Variants in SPINT2 observed in about 807,000 individuals in gnomAD.
The protein encoded by SPINT2 is kunitz-type protease inhibitor 2.
SPINT2 carries 18 observed loss-of-function variants against 30.1 expected under a neutral mutation model. The observed-to-expected ratio is 0.60, with a 90% CI of 0.41 to 0.89. SPINT2 has a LOEUF of 0.89. Among genes scored for constraint, SPINT2 ranks in the 40% least tolerant of loss-of-function variants. The pLI is 0.00. For synonymous variants in SPINT2, 139 were observed against 137.9 expected, an observed-to-expected ratio of 1.01 and a Z score of -0.05; for missense variants, 276 against 334.3, an observed-to-expected ratio of 0.83 and a Z score of 1.36.
At chr19:38,283,212 G>A (rs1968600859) in intron 1 of SPINT2, among the ~76,000 whole-genome samples, 1 of 152,128 alleles carries the variant, frequency 6.6e-6, no homozygotes, top group African/African-American at 2.4e-5. Flanking sequence ...TTGCTTAGGA[G>A]GGTGAGGCAA....
intron 4 of SPINT2, chr19:38,289,717 G>A (rs576742579): frequency 3.9e-4 from 124 of 316,010 alleles, no homozygotes; most frequent in Admixed American, 1.2e-3. Context: ...GGAGATGTGC[G>A]TTAGAGGCGT....
rs1167576875 is a variant in SPINT2, at chr19:38,268,285, A to T, written c.106+3287A>T. ...AACCTCTGCAGACAGAGGTGGGGGG[A>T]AAGCTGAGCTTATGCCAGGTGAGAA... On this transcript the variant is annotated intron_variant, in intron 1 of 6. Coordinates refer to ENST00000301244, the MANE Select transcript of SPINT2 (RefSeq NM_021102.4). 5.9e-5 allele frequency among the ~76,000 whole-genome samples: 9 copies of T among 152,180 alleles called. No individual in the cohort carries two copies. The South Asian group carries it at 1.9e-3, about 32-fold the overall frequency.
In SPINT2 at chr19:38,278,122, C is replaced by G. The variant is rs79915396; in HGVS notation, c.107-5505C>G. Among the ~76,000 whole-genome samples, 424 of 152,300 alleles carry G rather than the reference C, an allele frequency of 2.8e-3. 4 individuals are homozygous for G. The highest frequency in any genetic ancestry group is 9.8e-3 in the African/African-American group (407 of 41,562). ...AAATGTGTCCAGCCCATTTCCCCCC[C>G]AGCCCTGGCCGTTTCCTTTGGTATG... On this transcript the variant is annotated intron_variant, in intron 1 of 6. Coordinates refer to ENST00000301244, the MANE Select transcript of SPINT2 (RefSeq NM_021102.4).
At chr19:38,285,722 C>T (rs1968632908) in intron 2 of SPINT2, among the ~76,000 whole-genome samples, 1 of 152,146 alleles carries the variant, frequency 6.6e-6, no homozygotes. Context: ...AGCGGCACTC[C>T]CCCTAACATG....
rs1568344441 is a variant in SPINT2, at chr19:38,290,098, C to T, written c.392-21C>T. On this transcript the variant is annotated intron_variant, in intron 4 of 6. Coordinates refer to ENST00000301244, the MANE Select transcript of SPINT2 (RefSeq NM_021102.4). The surrounding 1 kb of genome is among the most constrained non-coding windows in gnomAD (Gnocchi z 4.3). ...TTGCGGGCCCTACTAATTTGTATTC[C>T]CTGGGCTGTCTTACTCCTAGAATAC... The T allele has an allele frequency of 6.8e-6, 11 of 1,612,232 alleles. No individual in the cohort carries two copies. The highest frequency in any genetic ancestry group is 9.3e-6 in the Non-Finnish European group (11 of 1,180,010).
In SPINT2 at chr19:38,290,592, C is replaced by T. The variant is rs905537913; in HGVS notation, c.592+17C>T. On this transcript the variant is annotated intron_variant, in intron 6 of 6. Coordinates refer to ENST00000301244, the MANE Select transcript of SPINT2 (RefSeq NM_021102.4). This position sits in a 1 kb window ranked among gnomAD's most constrained non-coding sequence, Gnocchi z 4.3. ...GCTCAAAGGGTAAGTGGCCCCTTACCCTCCTCCTGCCATCAGCCTGCCTCC... is the reference window on the plus strand; with the variant it reads ...GCTCAAAGGGTAAGTGGCCCCTTACTCTCCTCCTGCCATCAGCCTGCCTCC... 28 of 1,613,060 alleles carry T rather than the reference C, an allele frequency of 1.7e-5. No homozygotes were observed. The highest frequency in any genetic ancestry group is 2.4e-5 in the Non-Finnish European group (28 of 1,179,684).
chr19:38,270,637 G>C (rs1341174006), intron 1 of SPINT2, among the ~76,000 whole-genome samples: 1 of 152,206 alleles, frequency 6.6e-6, no homozygotes, highest in East Asian at 1.9e-4. Flanking sequence ...CACCGCGGGA[G>C]ACTGGCCCCT....
chr19:38,292,068 T>G lies in SPINT2; in HGVS notation c.*62T>G. Reference sequence around the variant, plus strand: ...AGACTATGTGTGAGCTTTTTTTAAATAGAGGGATTGACTCGGATTTGAGTG... The same window carrying G: ...AGACTATGTGTGAGCTTTTTTTAAAGAGAGGGATTGACTCGGATTTGAGTG... On this transcript the variant is annotated 3_prime_UTR_variant, in exon 7 of 7. Transcript: ENST00000301244. 1 of 1,590,072 alleles carries G rather than the reference T, an allele frequency of 6.3e-7. No individual in the cohort carries two copies. The highest frequency in any genetic ancestry group is 8.6e-7 in the Non-Finnish European group (1 of 1,167,880).
At position 38,264,925 on chromosome 19, in the gene SPINT2, G is replaced by T; in HGVS notation, c.33G>T (p.Arg11=). MAQLCGLRRS[R]AFLALLGSLL... ...AGCTGTGCGGGCTGAGGCGGAGCCGGGCGTTTCTCGCCCTGCTGGGATCGC... is the reference window on the plus strand; with the variant it reads ...AGCTGTGCGGGCTGAGGCGGAGCCGTGCGTTTCTCGCCCTGCTGGGATCGC... The change falls in exon 1 of 7, where the codon CGG becomes CGT. Residue 11 remains arginine, a synonymous_variant. Transcript: ENST00000301244. 1 of 1,536,174 alleles carries T rather than the reference G, an allele frequency of 6.5e-7. No individual in the cohort carries two copies. Among genetic ancestry groups the T allele is most frequent in the Non-Finnish European group, 8.7e-7 (1 of 1,145,804 alleles).
At chr19:38,276,260 A>T (rs988684448) in intron 1 of SPINT2, among the ~76,000 whole-genome samples, 1 of 152,208 alleles carries the variant, frequency 6.6e-6, no homozygotes, top group African/African-American at 2.4e-5. Context: ...GTGGTGAGGC[A>T]AGAAGCTCTT....
intron 1 of SPINT2, among the ~76,000 whole-genome samples, chr19:38,274,448 A>G (rs917561198): frequency 6.6e-6 from 1 of 152,114 alleles, no homozygotes; most frequent in Non-Finnish European, 1.5e-5. Flanking sequence ...CTTGGCTACT[A>G]TCCTTAGAAT....
chr19:38,279,169 CTT>C (rs900116303), intron 1 of SPINT2, among the ~76,000 whole-genome samples: 5 of 150,860 alleles, frequency 3.3e-5, no homozygotes, highest in Admixed American at 2.0e-4. Context: ...ACTTAGAACT[CTT>C]TTACTCAAAT....
chr19:38,279,880 C>T (rs1968561304), intron 1 of SPINT2, among the ~76,000 whole-genome samples: 1 of 152,174 alleles, frequency 6.6e-6, no homozygotes, highest in Admixed American at 6.5e-5. Flanking sequence ...TCTCGAACTC[C>T]TGACCTCAGG....
rs1968353639 is a variant in SPINT2 at position 38,264,629 on chromosome 19, C to T, written c.-264C>T. On this transcript the variant is annotated 5_prime_UTR_variant, in exon 1 of 7. Transcript: ENST00000301244. ...GAGGTGTAGCGCGGCTCTGAACGCGCTGAGGGCCGTTGAGTGTCGCAGGCG... is the reference window on the plus strand; with the variant it reads ...GAGGTGTAGCGCGGCTCTGAACGCGTTGAGGGCCGTTGAGTGTCGCAGGCG... The T allele has an allele frequency of 2.0e-6, 1 of 491,206 alleles. No individual in the cohort carries two copies. Among genetic ancestry groups the T allele is most frequent in the Admixed American group, 3.6e-5 (1 of 28,094 alleles). 30.4% of individuals were successfully genotyped at this position (491,206 alleles called of 1,614,324 possible). A position where few individuals can be genotyped will look rare whatever the true frequency, so the allele number is the denominator to read the frequency against.
intron 4 of SPINT2, chr19:38,289,509 A>AC: frequency 4.3e-6 from 1 of 234,228 alleles, no homozygotes; most frequent in South Asian, 5.5e-5. Context: ...AAAAAAAAAA[A>AC]AAAACTCCGA....
At chr19:38,283,096 G>C (rs927085559) in intron 1 of SPINT2, among the ~76,000 whole-genome samples, 3 of 151,800 alleles carry the variant, frequency 2.0e-5, no homozygotes, top group African/African-American at 7.3e-5. Context: ...CGGATTGCTT[G>C]ATCTCAGGAG....
At chr19:38,277,928 G>A (rs767093824) in intron 1 of SPINT2, among the ~76,000 whole-genome samples, 7 of 152,110 alleles carry the variant, frequency 4.6e-5, no homozygotes, top group Non-Finnish European at 8.8e-5. Flanking sequence ...GTCCGTCTCC[G>A]TTTTGAAAAC....
rs4621101 is a variant in SPINT2 at position 38,288,284 on chromosome 19, C to T, written c.337+349C>T. On this transcript the variant is annotated intron_variant, in intron 3 of 6. Coordinates refer to ENST00000301244, the MANE Select transcript of SPINT2 (RefSeq NM_021102.4). Reference sequence around the variant, plus strand: ...GCTGACCCCACTCCCCACCCACCCTCCTGTCTGCCTGTTCTGTCTCCTCTG... The same window carrying T: ...GCTGACCCCACTCCCCACCCACCCTTCTGTCTGCCTGTTCTGTCTCCTCTG... The T allele has an allele frequency of 9.5e-3, 3,878 of 406,726 alleles. 30 individuals carry two copies. The highest frequency in any genetic ancestry group is 0.014 in the Non-Finnish European group (3,096 of 214,716). The allele number at this position is 406,726 out of a possible 1,614,324, so 25.2% of individuals were successfully genotyped here. A position where few individuals can be genotyped will look rare whatever the true frequency, so the allele number is the denominator to read the frequency against.
Position 38,267,614 on chromosome 19 carries a change from A to C in SPINT2, c.106+2616A>C, listed in dbSNP as rs74628740. 2.8e-3 allele frequency among the ~76,000 whole-genome samples: 400 copies of C among 144,638 alleles called. 12 individuals carry two copies. The East Asian group carries it at 0.059, about 21-fold the overall frequency. The allele number at this position is 144,638 out of a possible 152,430, so 94.9% of individuals were successfully genotyped here. A position where few individuals can be genotyped will look rare whatever the true frequency, so the allele number is the denominator to read the frequency against. Reference sequence around the variant, plus strand: ...GGGAGGTTCTGAAGAGGTGGCAGTTACTGAGACAGGTCTAGGTGTGACCCT... The same window carrying C: ...GGGAGGTTCTGAAGAGGTGGCAGTTCCTGAGACAGGTCTAGGTGTGACCCT... On this transcript the variant is annotated intron_variant, in intron 1 of 6. Coordinates refer to ENST00000301244, the MANE Select transcript of SPINT2 (RefSeq NM_021102.4).
Sources: gnomAD v4.1 joint callset for allele counts (sites outside exome capture counted in the v4.1 genomes callset) on GRCh38, gnomAD v4.1.1 for gene constraint, Gnocchi (gnomAD v3.1) non-coding constraint, MANE v1.5 for transcripts, NCBI Gene and HGNC (gene_info 2026-07-23, HGNC 2026-07-21) for gene names.